USP46: variants seen among roughly 807,000 people sequenced by gnomAD.
The protein encoded by USP46 is ubiquitin specific peptidase 46.
USP46 carries 12 observed loss-of-function variants against 44.4 expected under a neutral mutation model. That is an observed-to-expected ratio of 0.27 (90% CI 0.17 to 0.44). The LOEUF is 0.44. USP46 is among the 20% of genes least tolerant of loss of function. The pLI, the probability that USP46 is intolerant of heterozygous loss-of-function variation, is 1.00. For synonymous variants in USP46, 155 were observed against 161.5 expected (o/e 0.96, Z 0.31); for missense variants, 248 against 444.8 (o/e 0.56, Z 3.98).
At chr4:52,653,281 G>T (rs1330647006) in intron 1 of USP46, among the ~76,000 whole-genome samples, 2 of 151,898 alleles carry the variant, frequency 1.3e-5, no homozygotes, top group Admixed American at 6.6e-5. Flanking sequence ...TGAGGCGGGC[G>T]GATCACCTGA....
At chr4:52,641,347 CA>C (rs1251357063) in intron 1 of USP46, among the ~76,000 whole-genome samples, 2 of 152,112 alleles carry the variant, frequency 1.3e-5, no homozygotes, top group African/African-American at 2.4e-5. Flanking sequence ...TGAGCTGGGA[CA>C]AGTTCCAACA....
chr4:52,599,215 T>C (rs944608978), intron 7 of USP46, among the ~76,000 whole-genome samples: 1 of 144,278 alleles, frequency 6.9e-6, no homozygotes, highest in South Asian at 2.2e-4. Flanking sequence ...ACTTTGATAA[T>C]GTGAGTAGAA....
intron 1 of USP46, among the ~76,000 whole-genome samples, chr4:52,632,998 G>GAAAGAAAGAAAGAAAAGAAAAGA (rs1717967173): frequency 8.9e-6 from 1 of 112,586 alleles, no homozygotes; most frequent in African/African-American, 3.7e-5. Flanking sequence ...AGAAAAGAAA[G>GAAAGAAAGAAAGAAAAGAAAAGA]AAAGAAAGAA....
chr4:52,633,721 C>T (rs1577685079), intron 1 of USP46, among the ~76,000 whole-genome samples: 1 of 152,142 alleles, frequency 6.6e-6, no homozygotes. Flanking sequence ...GTTCGGTGTG[C>T]TTTTTCTACC....
chr4:52,606,488 G>C (rs914638270), intron 5 of USP46, among the ~76,000 whole-genome samples: 1 of 152,208 alleles, frequency 6.6e-6, no homozygotes, highest in African/African-American at 2.4e-5. Flanking sequence ...AGAGACAGCA[G>C]GTGCAGGGGA....
chr4:52,599,949 T>C (rs181681213), intron 7 of USP46, among the ~76,000 whole-genome samples: 47 of 152,292 alleles, frequency 3.1e-4, no homozygotes, highest in African/African-American at 9.1e-4. Context: ...CTGCATTCTA[T>C]TTAGCCCTGT....
rs563597981 is a variant in USP46, at chr4:52,638,600, C to G, written c.37-7456G>C. On this transcript the variant is annotated intron_variant, in intron 1 of 8. Transcript: ENST00000441222. Reference sequence around the variant, plus strand: ...TTATTATTTATATAATTATTAACATCTGTCCAATGCCCTAAATTATATATA... The same window carrying G: ...TTATTATTTATATAATTATTAACATGTGTCCAATGCCCTAAATTATATATA... 2.3e-3 allele frequency among the ~76,000 whole-genome samples: 340 copies of G among 148,666 alleles called. 5 individuals are homozygous for G. Among genetic ancestry groups the G allele is most frequent in the Non-Finnish European group, 3.5e-3 (237 of 67,398 alleles).
intron 1 of USP46, among the ~76,000 whole-genome samples, chr4:52,632,968 G>GAAAAGAAAAGA (rs746313855): frequency 1.3e-5 from 1 of 74,816 alleles, no homozygotes; most frequent in African/African-American, 6.5e-5. Flanking sequence ...AAGAAAGAAA[G>GAAAAGAAAAGA]AAAGAAAGAA....
intron 7 of USP46, among the ~76,000 whole-genome samples, chr4:52,599,923 G>A (rs1007323426): frequency 3.9e-5 from 6 of 152,050 alleles, no homozygotes; most frequent in African/African-American, 1.4e-4. Flanking sequence ...CTCTGCCAGA[G>A]ATAATCCTCC....
chr4:52,604,469 C>A, intron 6 of USP46, 32 bp downstream of exon 6: 1 of 1,580,922 alleles, frequency 6.3e-7, no homozygotes, highest in Non-Finnish European at 8.7e-7. Context: ...TCTCACCACA[C>A]AAAGATAACC....
chr4:52,649,872 G>A (rs186938350), intron 1 of USP46, among the ~76,000 whole-genome samples: 1 of 152,228 alleles, frequency 6.6e-6, no homozygotes, highest in East Asian at 1.9e-4. Flanking sequence ...TGCTCACATC[G>A]GAATCAACTG....
chr4:52,599,178 A>G (rs1357268025), intron 7 of USP46, among the ~76,000 whole-genome samples: 1 of 149,698 alleles, frequency 6.7e-6, no homozygotes, highest in East Asian at 2.0e-4. Context: ...GGAGGAGGTA[A>G]TATTTGATGG....
intron 4 of USP46, among the ~76,000 whole-genome samples, chr4:52,616,448 C>T (rs1300225181): frequency 2.6e-5 from 4 of 152,192 alleles, no homozygotes; most frequent in Non-Finnish European, 5.9e-5. Flanking sequence ...TCTCAGCTCA[C>T]TGCAACCTCC....
chr4:52,634,038 T>C (rs1293868315), intron 1 of USP46, among the ~76,000 whole-genome samples: 19 of 152,326 alleles, frequency 1.2e-4, no homozygotes, highest in East Asian at 1.9e-4. Context: ...TGAGGAGAAG[T>C]TGGCTGGGCC....
intron 6 of USP46, among the ~76,000 whole-genome samples, chr4:52,603,790 T>G (rs1005034685): frequency 2.0e-5 from 3 of 152,198 alleles, no homozygotes; most frequent in Non-Finnish European, 4.4e-5. Flanking sequence ...GCTTAAGTGA[T>G]TCTCCTGCCT....
chr4:52,654,895 T>G (rs760682050), intron 1 of USP46, among the ~76,000 whole-genome samples: 5 of 152,190 alleles, frequency 3.3e-5, no homozygotes, highest in Non-Finnish European at 7.3e-5. Flanking sequence ...AATTCTACCA[T>G]GAAGTTTTTC....
In USP46 at chr4:52,601,845, T is replaced by C. The variant is rs746573209; in HGVS notation, c.920+12A>G. The C allele has an allele frequency of 6.2e-7, 1 of 1,611,366 alleles. No individual in the cohort carries two copies. The highest frequency in any genetic ancestry group is 8.5e-7 in the Non-Finnish European group (1 of 1,179,004). ...ACTTACCCTGTATACCTGCTTCCAGTCTTGCCCTTACCTGCCACAGTGAAC... is the reference window on the plus strand; with the variant it reads ...ACTTACCCTGTATACCTGCTTCCAGCCTTGCCCTTACCTGCCACAGTGAAC... On this transcript the variant is annotated intron_variant, in intron 7 of 8. Coordinates refer to ENST00000441222, the MANE Select transcript of USP46 (RefSeq NM_022832.4).
chr4:52,657,555 C>CT (rs1379542978), intron 1 of USP46, among the ~76,000 whole-genome samples: 5 of 152,198 alleles, frequency 3.3e-5, no homozygotes, highest in Non-Finnish European at 7.3e-5. Flanking sequence ...CACCAACAGA[C>CT]ATAAAAGAGT....
chr4:52,631,178 T>C (rs981760953), intron 1 of USP46, 34 bp from the exon 2 acceptor site: 2 of 1,511,862 alleles, frequency 1.3e-6, no homozygotes, highest in East Asian at 2.4e-5. Context: ...TTCTGTTGCA[T>C]GTAAAATAGA....
Sources: gnomAD v4.1 joint callset for allele counts (sites outside exome capture counted in the v4.1 genomes callset) on GRCh38, gnomAD v4.1.1 for gene constraint, MANE v1.5 for transcripts, NCBI Gene and HGNC (gene_info 2026-07-23, HGNC 2026-07-21) for gene names.